The following PCSK5 variants were observed in gnomAD, a reference collection of about 807,000 sequenced individuals.
PCSK5 encodes the protein proprotein convertase subtilisin/kexin type 5.
In PCSK5, 129 loss-of-function variants were observed where a neutral mutation model predicts 233.2. That is an observed-to-expected ratio of 0.55 (90% CI 0.48 to 0.64). The LOEUF (loss-of-function observed/expected upper bound fraction) is 0.64. PCSK5 is among the 30% of genes least tolerant of loss of function. The pLI, the probability that PCSK5 is intolerant of heterozygous loss-of-function variation, is 0.00. For missense variants in PCSK5, 2,076 were observed against 2,430.1 expected (o/e 0.85, Z 3.06); for synonymous variants, 825 against 879.2 (o/e 0.94, Z 1.09).
At chr9:76,345,404 C>T (rs889678897) in intron 35 of PCSK5, among the ~76,000 whole-genome samples, 4 of 151,098 alleles carry the variant, frequency 2.6e-5, no homozygotes, top group Non-Finnish European at 5.9e-5. Flanking sequence ...GGCTTATTTT[C>T]GTATTCTTTG....
At chr9:76,119,048 A>C (rs1057102748) in intron 9 of PCSK5, among the ~76,000 whole-genome samples, 1 of 152,070 alleles carries the variant, frequency 6.6e-6, no homozygotes, top group Non-Finnish European at 1.5e-5. Flanking sequence ...AGATTAAAGA[A>C]GGTTTCAAGT....
At chr9:76,071,411 G>T (rs1256417044) in intron 6 of PCSK5, among the ~76,000 whole-genome samples, 1 of 152,150 alleles carries the variant, frequency 6.6e-6, no homozygotes, top group Non-Finnish European at 1.5e-5. Context: ...ATTGCTTGAA[G>T]ATCTCTTTGT....
chr9:76,329,403 T>C (rs939276810), intron 33 of PCSK5, among the ~76,000 whole-genome samples: 48 of 150,876 alleles, frequency 3.2e-4, no homozygotes, highest in Admixed American at 2.6e-3. Context: ...CTAGCTATTC[T>C]CCTGCCTCAG....
chr9:76,130,135 A>G (rs1822700253), intron 9 of PCSK5, among the ~76,000 whole-genome samples: 1 of 152,040 alleles, frequency 6.6e-6, no homozygotes, highest in Non-Finnish European at 1.5e-5. Context: ...CTGGTGTGTT[A>G]TTTTTCTGTT....
intron 12 of PCSK5, among the ~76,000 whole-genome samples, chr9:76,168,435 G>A (rs1394557886): frequency 2.0e-5 from 3 of 152,104 alleles, no homozygotes; most frequent in South Asian, 2.1e-4. Flanking sequence ...GGCATGAACC[G>A]CTGCACCCAC....
In PCSK5 at chr9:76,359,019, GT is replaced by G; in HGVS notation, c.*102del. The G allele has an allele frequency of 1.1e-6, 1 of 940,000 alleles. No individual in the cohort carries two copies. The highest frequency in any genetic ancestry group is 1.6e-5 in the South Asian group (1 of 63,188). The allele number at this position is 940,000 out of a possible 1,614,324, so 58.2% of individuals were successfully genotyped here. A position where few individuals can be genotyped will look rare whatever the true frequency, so the allele number is the denominator to read the frequency against. The stretch of plus-strand genomic sequence containing the variant: ...ATCCCCACACCAGGCTGATGTGTGA[GT>G]TTTTCTATTTGTCTTCTTTAACCAT... On this transcript the variant is annotated 3_prime_UTR_variant, in exon 38 of 38. Transcript: ENST00000674117.
rs558478325 is a variant in PCSK5, at chr9:76,142,418, G to A, written c.1312+8206G>A. Among the ~76,000 whole-genome samples the A allele has an allele frequency of 1.1e-3, 173 of 152,130 alleles. 8 individuals are homozygous for A. The South Asian group carries it at 0.033, about 29-fold the overall frequency. ...GAAGAATAAGGGAGCATTCTAAGTG[G>A]CTAACTAGGTATAGAGCATTTCAGG... On this transcript the variant is annotated intron_variant, in intron 10 of 37. Transcript: ENST00000674117.
At chr9:75,960,660 T>G (rs1418037900) in intron 2 of PCSK5, among the ~76,000 whole-genome samples, 1 of 152,208 alleles carries the variant, frequency 6.6e-6, no homozygotes, top group African/African-American at 2.4e-5. Flanking sequence ...TTCCCTAAAT[T>G]TATATTTATA....
intron 2 of PCSK5, among the ~76,000 whole-genome samples, chr9:75,936,035 C>T (rs555012423): frequency 5.3e-5 from 8 of 152,266 alleles, no homozygotes; most frequent in Admixed American, 1.3e-4. Flanking sequence ...TGTTTTCCAA[C>T]GCATATAAAA....
At chr9:76,054,063 G>T (rs1829733494) in intron 5 of PCSK5, among the ~76,000 whole-genome samples, 2 of 152,204 alleles carry the variant, frequency 1.3e-5, no homozygotes, top group African/African-American at 2.4e-5. Context: ...CGGCAGGCAG[G>T]AGAGCATGTG....
intron 6 of PCSK5, among the ~76,000 whole-genome samples, chr9:76,069,200 GA>G (rs1830393521): frequency 6.6e-6 from 1 of 151,962 alleles, no homozygotes; most frequent in Non-Finnish European, 1.5e-5. Context: ...AAGAGGCAAA[GA>G]AAAAAATTCT....
Position 76,358,930 on chromosome 9 carries a change from C to T in PCSK5, c.*8C>T, listed in dbSNP as rs1182325122. 37 of 1,608,502 alleles carry T rather than the reference C, an allele frequency of 2.3e-5. No homozygotes were observed. The highest frequency in any genetic ancestry group is 3.0e-5 in the Non-Finnish European group (35 of 1,176,948). Reference sequence around the variant, plus strand: ...TACTCCTACTACCAGTAAACAGGCACTCCCCCACCAACACCACCATTCCAC... The same window carrying T: ...TACTCCTACTACCAGTAAACAGGCATTCCCCCACCAACACCACCATTCCAC... On this transcript the variant is annotated 3_prime_UTR_variant, in exon 38 of 38. Coordinates refer to ENST00000674117, the MANE Select transcript of PCSK5 (RefSeq NM_001372043.1).
intron 5 of PCSK5, among the ~76,000 whole-genome samples, chr9:76,064,753 C>A (rs1344429585): frequency 6.7e-6 from 1 of 148,742 alleles, no homozygotes; most frequent in African/African-American, 2.5e-5. Context: ...CGGGCAGAGG[C>A]GCTCCTCACA....
intron 15 of PCSK5, among the ~76,000 whole-genome samples, chr9:76,180,370 G>A (rs1823808382): frequency 6.6e-6 from 1 of 152,044 alleles, no homozygotes; most frequent in Admixed American, 6.6e-5. Context: ...GCTTCACAAA[G>A]ATGCCAATGC....
At chr9:76,226,112 G>A (rs1825881128) in intron 20 of PCSK5, among the ~76,000 whole-genome samples, 1 of 152,142 alleles carries the variant, frequency 6.6e-6, no homozygotes, top group Admixed American at 6.5e-5. Flanking sequence ...TAACAATGAG[G>A]AGACATAGAG....
Position 75,906,318 on chromosome 9 carries a change from C to T in PCSK5, c.192+14945C>T, listed in dbSNP as rs529073714. Among the ~76,000 whole-genome samples the T allele has an allele frequency of 9.0e-4, 137 of 152,182 alleles. 3 individuals are homozygous for T. Among genetic ancestry groups the T allele is most frequent in the Middle Eastern group, 3.4e-3 (1 of 294 alleles). The stretch of plus-strand genomic sequence containing the variant: ...TCGGCTCACTGCAGCCTCCGCCTCC[C>T]GGGTTCAAGCAATTCTCCTGCCTCA... On this transcript the variant is annotated intron_variant, in intron 1 of 37. Transcript: ENST00000674117.
intron 5 of PCSK5, among the ~76,000 whole-genome samples, chr9:76,056,150 A>G (rs1170430467): frequency 6.6e-6 from 1 of 152,214 alleles, no homozygotes. Context: ...TGTTTGTTCC[A>G]AGAAAAGAGT....
chr9:76,021,271 A>T (rs1828173771), intron 3 of PCSK5, among the ~76,000 whole-genome samples: 1 of 152,172 alleles, frequency 6.6e-6, no homozygotes, highest in Admixed American at 6.5e-5. Flanking sequence ...AGTCAACAAC[A>T]GTTTGGCACA....
At chr9:76,255,449 A>AT (rs1826954806) in intron 24 of PCSK5, among the ~76,000 whole-genome samples, 2 of 152,246 alleles carry the variant, frequency 1.3e-5, no homozygotes, top group South Asian at 4.1e-4. Context: ...GATACATTAT[A>AT]TTAGAATGTA....
Sources: gnomAD v4.1 joint callset for allele counts (sites outside exome capture counted in the v4.1 genomes callset) on GRCh38, gnomAD v4.1.1 for gene constraint, MANE v1.5 for transcripts, NCBI Gene and HGNC (gene_info 2026-07-23, HGNC 2026-07-21) for gene names.